INTS7: variants seen among roughly 807,000 people sequenced by gnomAD.
INTS7 encodes the protein integrator complex subunit 7.
INTS7 carries 46 observed loss-of-function variants against 109.2 expected under a neutral mutation model. The ratio of observed to expected loss-of-function variants is 0.42; its 90% confidence interval spans 0.33 to 0.54. The LOEUF is 0.54. Ranked by LOEUF, INTS7 falls within the 20% of genes least tolerant of loss-of-function variation. The pLI is 0.07. For synonymous variants in INTS7, 412 were observed against 402.9 expected (o/e 1.02, Z -0.27); for missense variants, 929 against 1,132.4 (o/e 0.82, Z 2.58).
intron 8 of INTS7, among the ~76,000 whole-genome samples, chr1:211,984,363 C>A (rs1222263428): frequency 7.9e-5 from 12 of 151,806 alleles, no homozygotes; most frequent in Admixed American, 4.6e-4. Context: ...AGAAAAAAAA[C>A]CCAGAAAAAT....
chr1:212,023,645 A>C (rs766627908), intron 1 of INTS7, among the ~76,000 whole-genome samples: 2 of 151,898 alleles, frequency 1.3e-5, no homozygotes, highest in African/African-American at 2.4e-5. Flanking sequence ...TAGATATTAC[A>C]CCTTTGTCAC....
intron 4 of INTS7, among the ~76,000 whole-genome samples, chr1:212,012,157 A>G (rs1231318976): frequency 6.6e-6 from 1 of 152,016 alleles, no homozygotes; most frequent in Non-Finnish European, 1.5e-5. Context: ...CACTGCTCTC[A>G]CTGACAATGT....
intron 17 of INTS7, among the ~76,000 whole-genome samples, chr1:211,948,255 C>T (rs1662927346): frequency 6.6e-6 from 1 of 152,188 alleles, no homozygotes; most frequent in South Asian, 2.1e-4. Context: ...GCCCAACAGA[C>T]TCATAGTACA....
At chr1:211,963,360 C>T (rs1323140131) in intron 16 of INTS7, among the ~76,000 whole-genome samples, 4 of 149,942 alleles carry the variant, frequency 2.7e-5, no homozygotes, top group Non-Finnish European at 5.9e-5. Context: ...GCCTACCAAC[C>T]AAAAAAAAAG....
At chr1:211,988,243 G>A (rs1318603849) in intron 7 of INTS7, among the ~76,000 whole-genome samples, 1 of 151,944 alleles carries the variant, frequency 6.6e-6, no homozygotes, top group East Asian at 1.9e-4. Context: ...GGCTCAAAGT[G>A]AGGCCTTGTC....
At chr1:212,000,991 G>A (rs189674296) in intron 7 of INTS7, among the ~76,000 whole-genome samples, 2 of 150,932 alleles carry the variant, frequency 1.3e-5, no homozygotes. Flanking sequence ...ACTCCTCCGA[G>A]GATAAAAACA....
chr1:211,971,359 G>A (rs12132954), intron 13 of INTS7, among the ~76,000 whole-genome samples: 4,203 of 152,238 alleles, frequency 0.028, 149 homozygotes, highest in East Asian at 0.12. Context: ...GCAGTATGTT[G>A]GTAACAGCAA....
intron 13 of INTS7, among the ~76,000 whole-genome samples, chr1:211,970,850 C>T (rs1329013715): frequency 1.3e-5 from 2 of 152,156 alleles, no homozygotes; most frequent in African/African-American, 4.8e-5. Flanking sequence ...CTGGTATTAG[C>T]TAGTCAATTT....
intron 7 of INTS7, among the ~76,000 whole-genome samples, chr1:211,993,768 C>T (rs1204878974): frequency 3.3e-5 from 5 of 150,978 alleles, no homozygotes; most frequent in Admixed American, 3.3e-4. Flanking sequence ...TTTATCCCAG[C>T]ATGGCATCAA....
chr1:211,957,860 A>G (rs928346779), intron 16 of INTS7, among the ~76,000 whole-genome samples: 4 of 151,816 alleles, frequency 2.6e-5, no homozygotes, highest in African/African-American at 9.7e-5. Context: ...TTATGGCTCT[A>G]CTGGCTTGTT....
chr1:211,941,737 C>T lies in INTS7; in HGVS notation c.*87G>A. On this transcript the variant is annotated 3_prime_UTR_variant, in exon 20 of 20. Transcript: ENST00000366994. Reference sequence around the variant, plus strand: ...AATGAATAAATGAACTACACTGTAACTTTAATACTTATTCCATATGAAAAA... The same window carrying T: ...AATGAATAAATGAACTACACTGTAATTTTAATACTTATTCCATATGAAAAA... The T allele has an allele frequency of 2.0e-6, 3 of 1,502,336 alleles. No individual in the cohort carries two copies. The highest frequency in any genetic ancestry group is 1.3e-5 in the South Asian group (1 of 76,084). The allele number at this position is 1,502,336 out of a possible 1,614,324, so 93.1% of individuals were successfully genotyped here.
chr1:211,989,754 A>G (rs1026561212), intron 7 of INTS7, among the ~76,000 whole-genome samples: 1 of 151,468 alleles, frequency 6.6e-6, no homozygotes, highest in African/African-American at 2.4e-5. Context: ...CCCAGGAGAC[A>G]GAGGTTGCAG....
chr1:211,996,684 G>A (rs1665405860), intron 7 of INTS7, among the ~76,000 whole-genome samples: 1 of 152,128 alleles, frequency 6.6e-6, no homozygotes, highest in Non-Finnish European at 1.5e-5. Flanking sequence ...GAAATATTTA[G>A]GAATGTATCT....
At chr1:212,012,884 C>CAAATTTAGAAACT (rs146006273) in intron 4 of INTS7, among the ~76,000 whole-genome samples, 1 of 152,172 alleles carries the variant, frequency 6.6e-6, no homozygotes, top group East Asian at 1.9e-4. Context: ...ATTTATCATC[C>CAAATTTAGAAACT]AAATTTAGAA....
chr1:211,978,137 T>C lies in INTS7; in HGVS notation c.1470+135A>G, dbSNP rs569924934. On this transcript the variant is annotated intron_variant, in intron 11 of 19. Coordinates refer to ENST00000366994, the MANE Select transcript of INTS7 (RefSeq NM_015434.4). ...TCTATTTTGACATCAGCACACTCTT[T>C]GGTCTTAGGTAATGAATTTAACCTA... 11 of 994,468 alleles carry C rather than the reference T, an allele frequency of 1.1e-5. 1 individual carries two copies. The South Asian group carries it at 1.7e-4, about 15-fold the overall frequency. 61.6% of individuals were successfully genotyped at this position (994,468 alleles called of 1,614,324 possible). A position where few individuals can be genotyped will look rare whatever the true frequency, so the allele number is the denominator to read the frequency against.
intron 4 of INTS7, among the ~76,000 whole-genome samples, chr1:212,014,465 C>CAA (rs1165612101): frequency 0.025 from 664 of 26,726 alleles, 27 homozygotes; most frequent in African/African-American, 0.048. Context: ...AACTCCATCT[C>CAA]AAAAAAAAAA....
chr1:212,007,709 CAA>C (rs1219880199), intron 5 of INTS7, among the ~76,000 whole-genome samples: 6 of 152,200 alleles, frequency 3.9e-5, no homozygotes, highest in Admixed American at 2.0e-4. Context: ...CAGTAGAAAG[CAA>C]AGTCATATTT....
intron 9 of INTS7, among the ~76,000 whole-genome samples, chr1:211,981,975 G>A (rs924728769): frequency 1.1e-4 from 17 of 152,150 alleles, no homozygotes; most frequent in Non-Finnish European, 2.1e-4. Context: ...GCTAGTGAAG[G>A]TCAGGTTGCT....
intron 7 of INTS7, among the ~76,000 whole-genome samples, chr1:211,989,994 T>C (rs924531826): frequency 5.3e-5 from 8 of 152,158 alleles, no homozygotes; most frequent in African/African-American, 1.7e-4. Context: ...AGGTTAAAGT[T>C]TGATAATACA....
Sources: gnomAD v4.1 joint callset for allele counts (sites outside exome capture counted in the v4.1 genomes callset) on GRCh38, gnomAD v4.1.1 for gene constraint, MANE v1.5 for transcripts, NCBI Gene and HGNC (gene_info 2026-07-23, HGNC 2026-07-21) for gene names.